LSAMP: variants seen among roughly 807,000 people sequenced by gnomAD.
The protein encoded by LSAMP is limbic system associated membrane protein, also known as limbic system-associated membrane protein.
In LSAMP, 7 loss-of-function variants were observed where a neutral mutation model predicts 38.6. The observed-to-expected ratio is 0.18, with a 90% CI of 0.10 to 0.34. LSAMP has a LOEUF of 0.34. LSAMP is among the 10% of genes least tolerant of loss of function. The probability of loss-of-function intolerance (pLI) is 1.00; values close to 1 mark genes in which losing one functional copy is unlikely to be tolerated. For synonymous variants in LSAMP, 154 were observed against 166.8 expected (o/e 0.92, Z 0.59); for missense variants, 313 against 420.0 (o/e 0.75, Z 2.23).
At chr3:115,829,195 A>G (rs1441004173) in intron 6 of LSAMP, among the ~76,000 whole-genome samples, 1 of 152,154 alleles carries the variant, frequency 6.6e-6, no homozygotes, top group Non-Finnish European at 1.5e-5. Context: ...AAGGAAGAGT[A>G]AAGAGGTGGG....
intron 1 of LSAMP, among the ~76,000 whole-genome samples, chr3:116,168,782 G>T (rs1710123972): frequency 6.6e-6 from 1 of 152,154 alleles, no homozygotes; most frequent in African/African-American, 2.4e-5. Flanking sequence ...ATTAGATATT[G>T]GTAGGTACCA....
chr3:115,947,217 T>A (rs930950574), intron 3 of LSAMP, among the ~76,000 whole-genome samples: 1 of 152,140 alleles, frequency 6.6e-6, no homozygotes, highest in African/African-American at 2.4e-5. Context: ...GTATTGAAAG[T>A]TTTCCCTTAG....
intron 1 of LSAMP, among the ~76,000 whole-genome samples, chr3:116,319,574 T>C (rs2047679823): frequency 1.3e-5 from 2 of 152,032 alleles, no homozygotes; most frequent in African/African-American, 4.8e-5. Flanking sequence ...CCCAGTTAAA[T>C]AAATATATGA....
chr3:116,270,396 G>T (rs1216787628), intron 1 of LSAMP, among the ~76,000 whole-genome samples: 2 of 151,574 alleles, frequency 1.3e-5, no homozygotes, highest in East Asian at 3.9e-4. Flanking sequence ...TCAGGTTGCA[G>T]TGTCAAATGG....
At chr3:116,096,643 A>G (rs1254885216) in intron 1 of LSAMP, among the ~76,000 whole-genome samples, 3 of 152,150 alleles carry the variant, frequency 2.0e-5, no homozygotes, top group African/African-American at 7.2e-5. Context: ...ACCACTTTCA[A>G]CCAGATCCAC....
intron 1 of LSAMP, among the ~76,000 whole-genome samples, chr3:116,392,491 T>C (rs1343991984): frequency 6.6e-6 from 1 of 152,220 alleles, no homozygotes; most frequent in Non-Finnish European, 1.5e-5. Flanking sequence ...CAGCCTCCTC[T>C]GGACTTAGGG....
chr3:116,203,887 A>G (rs2046026926), intron 1 of LSAMP, among the ~76,000 whole-genome samples: 1 of 152,204 alleles, frequency 6.6e-6, no homozygotes. Flanking sequence ...TTATAGCAGC[A>G]TGATTTAGAC....
In LSAMP at chr3:116,378,794, C is replaced by A. The variant is rs945661218; in HGVS notation, c.155+66083G>T. On this transcript the variant is annotated intron_variant, in intron 1 of 6. Coordinates refer to ENST00000490035, the MANE Select transcript of LSAMP (RefSeq NM_002338.5). Reference sequence around the variant, plus strand: ...CTCCACCTTCCTCCCAATTAGTGGACAACCTCACCTAGTCTATAAGGTAGA... The same window carrying A: ...CTCCACCTTCCTCCCAATTAGTGGAAAACCTCACCTAGTCTATAAGGTAGA... 3.3e-5 allele frequency among the ~76,000 whole-genome samples: 5 copies of A among 152,098 alleles called. 1 individual carries two copies. The highest frequency in any genetic ancestry group is 1.2e-4 in the African/African-American group (5 of 41,510).
intron 2 of LSAMP, among the ~76,000 whole-genome samples, chr3:116,058,118 G>T (rs1941525359): frequency 1.3e-5 from 2 of 152,156 alleles, no homozygotes; most frequent in African/African-American, 2.4e-5. Flanking sequence ...TTTAAATAAA[G>T]AAAGGAGTGA....
rs1198030482 is a variant in LSAMP, at chr3:116,144,842, T to C, written c.156-58286A>G. 2.0e-5 allele frequency among the ~76,000 whole-genome samples: 3 copies of C among 151,904 alleles called. No individual in the cohort carries two copies. In the East Asian group the frequency reaches 5.8e-4, roughly 29 times the overall value. The stretch of plus-strand genomic sequence containing the variant: ...TTCTAGGTATGACTATAGTTTAAAA[T>C]TTTTTCTATATCTATTCACATACAA... On this transcript the variant is annotated intron_variant, in intron 1 of 6. Transcript: ENST00000490035.
intron 1 of LSAMP, among the ~76,000 whole-genome samples, chr3:116,331,706 C>T (rs1290167020): frequency 6.6e-6 from 1 of 151,910 alleles, no homozygotes; most frequent in Non-Finnish European, 1.5e-5. Context: ...CAGATAGTAA[C>T]CTGAAGCCAT....
intron 1 of LSAMP, among the ~76,000 whole-genome samples, chr3:116,272,929 C>T (rs1210875733): frequency 6.6e-6 from 1 of 152,048 alleles, no homozygotes; most frequent in African/African-American, 2.4e-5. Context: ...CATAAATAAC[C>T]TTTCAGAGTC....
rs1290554768 is a variant in LSAMP, at chr3:116,093,312, C to A, written c.156-6756G>T. Among the ~76,000 whole-genome samples, 3 of 152,094 alleles carry A rather than the reference C, an allele frequency of 2.0e-5. No individual in the cohort carries two copies. In the East Asian group the frequency reaches 5.8e-4, roughly 29 times the overall value. ...CATCCTACAATGCCGTGGACAGCCC[C>A]CAATCACAAAGATGTATCTTATCCA... On this transcript the variant is annotated intron_variant, in intron 1 of 6. Coordinates refer to ENST00000490035, the MANE Select transcript of LSAMP (RefSeq NM_002338.5).
chr3:115,996,331 G>C (rs1031846867), intron 3 of LSAMP, among the ~76,000 whole-genome samples: 1 of 152,082 alleles, frequency 6.6e-6, no homozygotes, highest in Non-Finnish European at 1.5e-5. Context: ...CAGTTAGTGA[G>C]TTCTACTTCT....
At chr3:115,931,862 T>C (rs1937585893) in intron 3 of LSAMP, among the ~76,000 whole-genome samples, 1 of 152,094 alleles carries the variant, frequency 6.6e-6, no homozygotes, top group East Asian at 1.9e-4. Context: ...GACGAGTAAA[T>C]AGCAGAAGGG....
chr3:116,082,876 G>T (rs1707902860), intron 2 of LSAMP, among the ~76,000 whole-genome samples: 1 of 152,044 alleles, frequency 6.6e-6, no homozygotes, highest in Non-Finnish European at 1.5e-5. Flanking sequence ...ACAGACACTG[G>T]GGTTTATTTG....
At chr3:115,819,054 G>T (rs916615324) in intron 6 of LSAMP, among the ~76,000 whole-genome samples, 8 of 151,600 alleles carry the variant, frequency 5.3e-5, no homozygotes, top group African/African-American at 1.9e-4. Flanking sequence ...GGAAGCTGAG[G>T]CAGGAGAATC....
At chr3:116,011,618 G>A (rs1308256742) in intron 3 of LSAMP, among the ~76,000 whole-genome samples, 1 of 152,098 alleles carries the variant, frequency 6.6e-6, no homozygotes, top group Non-Finnish European at 1.5e-5. Flanking sequence ...TAGTAGCAAA[G>A]GGTCCAACTG....
intron 2 of LSAMP, among the ~76,000 whole-genome samples, chr3:116,038,308 C>G (rs1941093260): frequency 6.6e-6 from 1 of 152,058 alleles, no homozygotes; most frequent in African/African-American, 2.4e-5. Flanking sequence ...ATAAATGTCA[C>G]TAATCTCTGA....
Sources: gnomAD v4.1 joint callset for allele counts (sites outside exome capture counted in the v4.1 genomes callset) on GRCh38, gnomAD v4.1.1 for gene constraint, MANE v1.5 for transcripts, NCBI Gene and HGNC (gene_info 2026-07-23, HGNC 2026-07-21) for gene names.